CNTNAP5: variants seen among roughly 807,000 people sequenced by gnomAD.
CNTNAP5 encodes the protein contactin associated protein family member 5.
A neutral mutation model predicts 150.2 loss-of-function variants in CNTNAP5; 72 were observed. That is an observed-to-expected ratio of 0.48 (90% CI 0.40 to 0.58). The LOEUF is 0.58. Ranked by LOEUF, CNTNAP5 falls within the 20% of genes least tolerant of loss-of-function variation. CNTNAP5 has a pLI of 0.00. For missense variants in CNTNAP5, 1,636 were observed against 1,626.2 expected (o/e 1.01, Z -0.10); for synonymous variants, 672 against 619.8 (o/e 1.08, Z -1.25).
intron 7 of CNTNAP5, among the ~76,000 whole-genome samples, chr2:124,502,920 A>T (rs1460951201): frequency 2.6e-5 from 4 of 152,154 alleles, no homozygotes; most frequent in Non-Finnish European, 5.9e-5. Flanking sequence ...TTGCTAAGTT[A>T]TTTATTCTAA....
chr2:124,447,449 C>T (rs1692849836), intron 6 of CNTNAP5, among the ~76,000 whole-genome samples: 1 of 152,152 alleles, frequency 6.6e-6, no homozygotes, highest in South Asian at 2.1e-4. Flanking sequence ...TGAACCAGTT[C>T]AATGCAAAGA....
intron 13 of CNTNAP5, among the ~76,000 whole-genome samples, chr2:124,704,839 A>G (rs1327886034): frequency 6.6e-6 from 1 of 151,874 alleles, no homozygotes; most frequent in Non-Finnish European, 1.5e-5. Flanking sequence ...TCAGCTTAGC[A>G]TCTTTGTGCC....
chr2:124,555,152 C>T (rs1205059958), intron 10 of CNTNAP5, among the ~76,000 whole-genome samples: 1 of 152,084 alleles, frequency 6.6e-6, no homozygotes, highest in Non-Finnish European at 1.5e-5. Context: ...AAAATTACAA[C>T]ACACAGAAGT....
intron 1 of CNTNAP5, among the ~76,000 whole-genome samples, chr2:124,027,506 T>C (rs1017712419): frequency 2.6e-5 from 4 of 152,230 alleles, no homozygotes; most frequent in African/African-American, 9.6e-5. Flanking sequence ...TGCAACACCT[T>C]TTCTTAAGAG....
intron 13 of CNTNAP5, among the ~76,000 whole-genome samples, chr2:124,655,962 A>G (rs1678441517): frequency 7.0e-6 from 1 of 143,716 alleles, no homozygotes; most frequent in Non-Finnish European, 1.5e-5. Flanking sequence ...AAAGAAAGAA[A>G]GAAAGAAAGA....
intron 19 of CNTNAP5, among the ~76,000 whole-genome samples, chr2:124,865,075 C>CCACACACA (rs149351221): frequency 6.7e-6 from 1 of 149,616 alleles, no homozygotes; most frequent in Non-Finnish European, 1.5e-5. Flanking sequence ...TGTGATAACA[C>CCACACACA]CACACACACA....
intron 4 of CNTNAP5, among the ~76,000 whole-genome samples, chr2:124,418,186 A>G (rs888228619): frequency 1.3e-5 from 2 of 152,202 alleles, no homozygotes; most frequent in Non-Finnish European, 2.9e-5. Flanking sequence ...TCCCATCCCT[A>G]TAATTCTTTC....
chr2:124,801,828 G>A (rs899929207), intron 19 of CNTNAP5, among the ~76,000 whole-genome samples: 3 of 151,720 alleles, frequency 2.0e-5, no homozygotes, highest in African/African-American at 4.8e-5. Flanking sequence ...ATACACTGTC[G>A]TGAAAAAAAA....
chr2:124,451,051 A>AATATATATATATAT (rs1553469335), intron 6 of CNTNAP5, among the ~76,000 whole-genome samples: 12 of 65,296 alleles, frequency 1.8e-4, no homozygotes, highest in African/African-American at 8.7e-4. Context: ...AAAAAAAAAA[A>AATATATATATATAT]ATATATATAT....
intron 1 of CNTNAP5, among the ~76,000 whole-genome samples, chr2:124,124,501 C>A (rs1354541699): frequency 6.6e-6 from 1 of 152,160 alleles, no homozygotes; most frequent in South Asian, 2.1e-4. Context: ...AGCATATTAT[C>A]CTGGAGAACT....
chr2:124,796,011 A>C (rs547253268), intron 18 of CNTNAP5, among the ~76,000 whole-genome samples: 1 of 152,152 alleles, frequency 6.6e-6, no homozygotes, highest in Admixed American at 6.5e-5. Context: ...AGATGCTCAG[A>C]TAACTCAACC....
intron 9 of CNTNAP5, among the ~76,000 whole-genome samples, chr2:124,525,454 T>C (rs1694942670): frequency 6.6e-6 from 1 of 152,184 alleles, no homozygotes; most frequent in Non-Finnish European, 1.5e-5. Context: ...TGGTCTACAG[T>C]TTCCTTATTT....
intron 2 of CNTNAP5, among the ~76,000 whole-genome samples, chr2:124,241,909 C>T (rs747432851): frequency 1.5e-4 from 23 of 151,956 alleles, no homozygotes; most frequent in South Asian, 4.1e-4. Context: ...ATAAATAAAA[C>T]AAATGTCACT....
intron 1 of CNTNAP5, among the ~76,000 whole-genome samples, chr2:124,211,419 T>G (rs1686006822): frequency 6.6e-6 from 1 of 152,176 alleles, no homozygotes; most frequent in African/African-American, 2.4e-5. Context: ...TGAGATTAAT[T>G]AACTTCCCAA....
intron 13 of CNTNAP5, among the ~76,000 whole-genome samples, chr2:124,724,175 A>AATAATG (rs539558593): frequency 0.01 from 1,522 of 149,606 alleles, 20 homozygotes; most frequent in African/African-American, 0.035. Context: ...TAATAATAAT[A>AATAATG]ATGATGATAC....
chr2:124,269,590 C>G (rs983670070), intron 3 of CNTNAP5, among the ~76,000 whole-genome samples: 2 of 152,024 alleles, frequency 1.3e-5, no homozygotes, highest in African/African-American at 4.8e-5. Context: ...CGCCTGTAGT[C>G]TGAACACGGA....
At chr2:124,255,204 A>T (rs2104784780) in intron 3 of CNTNAP5, among the ~76,000 whole-genome samples, 1 of 152,280 alleles carries the variant, frequency 6.6e-6, no homozygotes, top group South Asian at 2.1e-4. Context: ...CCTGTGCAAC[A>T]TAATGAGACT....
intron 10 of CNTNAP5, among the ~76,000 whole-genome samples, chr2:124,556,715 TCA>T (rs1364959484): frequency 6.6e-6 from 1 of 152,044 alleles, no homozygotes; most frequent in Non-Finnish European, 1.5e-5. Context: ...CAGGAATTGC[TCA>T]CATCTTGGAT....
chr2:124,034,479 G>A (rs1681155830), intron 1 of CNTNAP5, among the ~76,000 whole-genome samples: 1 of 152,184 alleles, frequency 6.6e-6, no homozygotes, highest in African/African-American at 2.4e-5. Context: ...ACAATGAGTA[G>A]AGTCTACCTT....
Sources: gnomAD v4.1 joint callset for allele counts (sites outside exome capture counted in the v4.1 genomes callset) on GRCh38, gnomAD v4.1.1 for gene constraint, MANE v1.5 for transcripts, NCBI Gene and HGNC (gene_info 2026-07-23, HGNC 2026-07-21) for gene names.